The following KCNMA1 variants were observed in gnomAD, a reference collection of about 807,000 sequenced individuals.
KCNMA1 encodes potassium calcium-activated channel subfamily M alpha 1, also known as Calcium-activated potassium channel subunit alpha-1.
In KCNMA1, 29 loss-of-function variants were observed where a neutral mutation model predicts 140.0. That is an observed-to-expected ratio of 0.21 (90% CI 0.15 to 0.28). KCNMA1 has a LOEUF of 0.28. KCNMA1 is among the 10% of genes least tolerant of loss of function. The pLI, the probability that KCNMA1 is intolerant of heterozygous loss-of-function variation, is 1.00. For synonymous variants in KCNMA1, 612 were observed against 611.9 expected (o/e 1.00, Z 0.00); for missense variants, 880 against 1,602.2 (o/e 0.55, Z 7.70).
chr10:77,543,057 TTC>T (rs769146509), intron 1 of KCNMA1, among the ~76,000 whole-genome samples: 18 of 64,582 alleles, frequency 2.8e-4, no homozygotes, highest in Non-Finnish European at 4.0e-4. Flanking sequence ...CTCTCTCTCA[TTC>T]TCTCTCTCTT....
chr10:77,539,407 T>C (rs1260598819), intron 1 of KCNMA1, among the ~76,000 whole-genome samples: 1 of 152,138 alleles, frequency 6.6e-6, no homozygotes, highest in Admixed American at 6.5e-5. Context: ...AGAATAGACA[T>C]GGGTGGGATA....
chr10:77,019,214 C>A, intron 16 of KCNMA1, 115 bp from the exon 17 acceptor site: 1 of 695,922 alleles, frequency 1.4e-6, no homozygotes, highest in Non-Finnish European at 2.6e-6. Context: ...TAGTCTAAAG[C>A]TTTCCCCAAA....
intron 13 of KCNMA1, among the ~76,000 whole-genome samples, chr10:77,075,701 CT>C (rs1183194511): frequency 6.6e-6 from 1 of 152,122 alleles, no homozygotes; most frequent in African/African-American, 2.4e-5. Context: ...TCTGTGCCCT[CT>C]TTTTTTGGAT....
intron 1 of KCNMA1, among the ~76,000 whole-genome samples, chr10:77,407,978 C>T (rs761883262): frequency 1.4e-4 from 21 of 152,022 alleles, no homozygotes; most frequent in Non-Finnish European, 2.8e-4. Context: ...GCAAGAAGTC[C>T]CTATAAGGCA....
At chr10:77,172,686 CTT>C (rs2098718024) in intron 5 of KCNMA1, among the ~76,000 whole-genome samples, 2 of 92,676 alleles carry the variant, frequency 2.2e-5, no homozygotes, top group African/African-American at 4.9e-5. Flanking sequence ...CCATTGAATT[CTT>C]TCTCAAAAAA....
At chr10:77,623,657 C>T (rs1286126161) in intron 1 of KCNMA1, among the ~76,000 whole-genome samples, 2 of 150,772 alleles carry the variant, frequency 1.3e-5, no homozygotes, top group African/African-American at 2.4e-5. Flanking sequence ...GAGCCGAGAT[C>T]GTGACACTGC....
chr10:77,487,758 C>T (rs1470806071), intron 1 of KCNMA1, among the ~76,000 whole-genome samples: 5 of 152,082 alleles, frequency 3.3e-5, no homozygotes, highest in African/African-American at 1.2e-4. Context: ...AATGGAAATG[C>T]AAGACATTTT....
At chr10:77,606,455 A>T (rs1389793932) in intron 1 of KCNMA1, among the ~76,000 whole-genome samples, 4 of 152,058 alleles carry the variant, frequency 2.6e-5, no homozygotes, top group Non-Finnish European at 5.9e-5. Flanking sequence ...CAAAATAATT[A>T]AAAAATTAGC....
chr10:77,260,336 C>T (rs1041612218), intron 2 of KCNMA1, among the ~76,000 whole-genome samples: 3 of 152,084 alleles, frequency 2.0e-5, no homozygotes, highest in African/African-American at 4.8e-5. Flanking sequence ...AGGATTTGGT[C>T]GGATGGCAGG....
At chr10:77,603,493 GGTC>G (rs1470791220) in intron 1 of KCNMA1, among the ~76,000 whole-genome samples, 2 of 152,160 alleles carry the variant, frequency 1.3e-5, no homozygotes, top group Non-Finnish European at 2.9e-5. Flanking sequence ...AGGAGAACAG[GGTC>G]TGAGCATTTG....
At chr10:77,022,900 G>A (rs943778376) in intron 16 of KCNMA1, 2 of 454,070 alleles carry the variant, frequency 4.4e-6, no homozygotes, top group Non-Finnish European at 8.9e-6. Flanking sequence ...TGTTAAGTAT[G>A]AATATGTAAA....
intron 1 of KCNMA1, among the ~76,000 whole-genome samples, chr10:77,539,907 T>TC (rs2059797528): frequency 6.6e-6 from 1 of 152,122 alleles, no homozygotes; most frequent in African/African-American, 2.4e-5. Flanking sequence ...GCCCACAGAC[T>TC]CCCACCTGTC....
chr10:77,497,311 G>A (rs763659905), intron 1 of KCNMA1, among the ~76,000 whole-genome samples: 6 of 152,192 alleles, frequency 3.9e-5, no homozygotes, highest in South Asian at 2.1e-4. Flanking sequence ...GGAGTGTCAG[G>A]TACCTCAGTA....
intron 23 of KCNMA1, among the ~76,000 whole-genome samples, chr10:76,942,331 G>A (rs1260959295): frequency 6.6e-6 from 1 of 152,070 alleles, no homozygotes; most frequent in East Asian, 1.9e-4. Flanking sequence ...CCTCTCAAAG[G>A]CCCCACCACC....
At chr10:77,225,966 T>C (rs1022877379) in intron 3 of KCNMA1, among the ~76,000 whole-genome samples, 1 of 152,180 alleles carries the variant, frequency 6.6e-6, no homozygotes, top group African/African-American at 2.4e-5. Flanking sequence ...GTCAATGCCC[T>C]GGGGGCCCCT....
At chr10:77,052,282 A>G (rs2095397002) in intron 14 of KCNMA1, among the ~76,000 whole-genome samples, 1 of 152,162 alleles carries the variant, frequency 6.6e-6, no homozygotes, top group African/African-American at 2.4e-5. Context: ...CCTAACGGCC[A>G]GTAAGTTAAC....
intron 22 of KCNMA1, among the ~76,000 whole-genome samples, chr10:76,947,140 T>A (rs1041770033): frequency 6.6e-6 from 1 of 151,380 alleles, no homozygotes; most frequent in Non-Finnish European, 1.5e-5. Context: ...TTTGCAACCA[T>A]CCTGGCCAAC....
intron 1 of KCNMA1, among the ~76,000 whole-genome samples, chr10:77,462,000 T>C (rs1203434662): frequency 6.6e-6 from 1 of 151,636 alleles, no homozygotes; most frequent in African/African-American, 2.4e-5. Flanking sequence ...GACACACAAA[T>C]TCAGACACAC....
intron 1 of KCNMA1, among the ~76,000 whole-genome samples, chr10:77,514,950 C>T (rs947112767): frequency 5.3e-5 from 8 of 152,098 alleles, no homozygotes; most frequent in African/African-American, 1.9e-4. Context: ...GCCCACCCCA[C>T]CTCCTTTTCT....
Sources: gnomAD v4.1 joint callset for allele counts (sites outside exome capture counted in the v4.1 genomes callset) on GRCh38, gnomAD v4.1.1 for gene constraint, MANE v1.5 for transcripts, NCBI Gene and HGNC (gene_info 2026-07-23, HGNC 2026-07-21) for gene names.